VWA2: variants seen among roughly 807,000 people sequenced by gnomAD.
VWA2 encodes the protein von Willebrand factor A domain containing 2, also known as von Willebrand factor A domain-containing protein 2.
In VWA2, 73 loss-of-function variants were observed where a neutral mutation model predicts 70.4. That is an observed-to-expected ratio of 1.04 (90% CI 0.86 to 1.26). VWA2 has a LOEUF of 1.26. Among genes scored for constraint, VWA2 ranks in the 50% most tolerant of loss-of-function variants. VWA2 has a pLI of 0.00. For missense variants in VWA2, 1,011 were observed against 998.5 expected (o/e 1.01, Z -0.17); for synonymous variants, 407 against 423.3 (o/e 0.96, Z 0.47).
At chr10:114,240,179 G>A (rs1197746875) in intron 1 of VWA2, among the ~76,000 whole-genome samples, 1 of 152,210 alleles carries the variant, frequency 6.6e-6, no homozygotes. Context: ...GGGAAGTCCA[G>A]GGGTTTGTCG....
intron 5 of VWA2, among the ~76,000 whole-genome samples, chr10:114,268,386 G>A (rs1295748226): frequency 6.6e-6 from 1 of 151,960 alleles, no homozygotes; most frequent in Non-Finnish European, 1.5e-5. Context: ...AGAGCCCCCT[G>A]TCTGGGTTCA....
Position 114,289,143 on chromosome 10 carries a change from T to C in VWA2, c.1776T>C (p.Ala592=), listed in dbSNP as rs1399531150. ...AFGLDTKPTR[A]AMLRAISQAP... is the part of the protein sequence containing the mutation. ...GGCTGGACACCAAACCCACCCGGGCTGCGATGCTGCGGGCCATTAGCCAGG... is the reference window on the plus strand; with the variant it reads ...GGCTGGACACCAAACCCACCCGGGCCGCGATGCTGCGGGCCATTAGCCAGG... The change falls in exon 12 of 14, where the codon GCT becomes GCC. Residue 592 remains alanine, a synonymous_variant. Transcript: ENST00000392982. 2.5e-6 allele frequency: 4 copies of C among 1,613,878 alleles called. No homozygotes were observed. Among genetic ancestry groups the C allele is most frequent in the Admixed American group, 1.7e-5 (1 of 60,018 alleles).
At chr10:114,287,117 A>G (rs961586055) in intron 11 of VWA2, among the ~76,000 whole-genome samples, 1 of 152,104 alleles carries the variant, frequency 6.6e-6, no homozygotes, top group Non-Finnish European at 1.5e-5. Flanking sequence ...ATTGGAAGGC[A>G]CTCTAGAGAA....
chr10:114,248,490 G>A (rs2037123192), intron 1 of VWA2, among the ~76,000 whole-genome samples: 1 of 152,182 alleles, frequency 6.6e-6, no homozygotes, highest in South Asian at 2.1e-4. Flanking sequence ...GTATCCTGGG[G>A]AAGATGTTAG....
In VWA2 at chr10:114,253,688, C is replaced by T. The variant is rs750989598; in HGVS notation, c.90C>T (p.Ser30=). Reference sequence around the variant, plus strand: ...TCCCTCTCCAGGAAGTCCATGTAAGCAAAGAAACCATCGGGAAGATTTCAG... The same window carrying T: ...TCCCTCTCCAGGAAGTCCATGTAAGTAAAGAAACCATCGGGAAGATTTCAG... ...PSLPLQEVHV[S]KETIGKISAA... The change falls in exon 3 of 14, where the codon AGC becomes AGT. Residue 30 remains serine (S), a synonymous_variant. Transcript: ENST00000392982. The T allele has an allele frequency of 6.2e-7, 1 of 1,612,362 alleles. No homozygotes were observed. The highest frequency in any genetic ancestry group is 2.2e-5 in the East Asian group (1 of 44,742).
chr10:114,285,408 A>G (rs1016503308), intron 10 of VWA2, among the ~76,000 whole-genome samples: 2 of 152,248 alleles, frequency 1.3e-5, no homozygotes, highest in African/African-American at 4.8e-5. Context: ...AGAGTTTTAA[A>G]TAAGATTATG....
intron 8 of VWA2, among the ~76,000 whole-genome samples, chr10:114,280,314 C>T (rs1296037290): frequency 6.6e-6 from 1 of 152,160 alleles, no homozygotes; most frequent in Non-Finnish European, 1.5e-5. Context: ...ACACATCTAC[C>T]CTCACAAGCT....
intron 2 of VWA2, among the ~76,000 whole-genome samples, chr10:114,250,090 C>G (rs2037164087): frequency 6.6e-6 from 1 of 152,242 alleles, no homozygotes; most frequent in African/African-American, 2.4e-5. Context: ...ACCTCCAGAT[C>G]AAGTCACATC....
intron 4 of VWA2, among the ~76,000 whole-genome samples, chr10:114,259,018 A>G (rs1405115060): frequency 6.6e-6 from 1 of 152,222 alleles, no homozygotes; most frequent in African/African-American, 2.4e-5. Context: ...GATCTCGTAA[A>G]TAACATCATT....
At position 114,286,239 on chromosome 10, in the gene VWA2, G is replaced by A. The variant is rs1323471352; in HGVS notation, c.1298G>A (p.Gly433Asp). ...GSALRQAAER[G>D]FGSATRTGQD... ...GCCTTGCGGCAGGCGGCAGAGCGTG[G>A]CTTCGGGAGCGCCACCAGGACAGGC... Residue 433 changes from glycine (G) to aspartate (D), a missense_variant, in exon 11 of 14, where the codon GGC becomes GAC. By Grantham distance (94) the Gly-to-Asp change is moderately conservative. Transcript: ENST00000392982. The A allele has an allele frequency of 8.1e-6, 13 of 1,612,998 alleles. No homozygotes were observed. Among genetic ancestry groups the A allele is most frequent in the African/African-American group, 6.7e-5 (5 of 74,946 alleles).
intron 5 of VWA2, among the ~76,000 whole-genome samples, chr10:114,269,369 T>C (rs1186078452): frequency 6.6e-6 from 1 of 152,080 alleles, no homozygotes; most frequent in African/African-American, 2.4e-5. Context: ...TCACCTGAGG[T>C]CAGGAGTTTG....
At chr10:114,242,317 G>A (rs11593215) in intron 1 of VWA2, among the ~76,000 whole-genome samples, 23,946 of 152,150 alleles carry the variant, frequency 0.16, 2,037 homozygotes, top group Middle Eastern at 0.21. Flanking sequence ...GAAGGAAATT[G>A]AGAGACTGAA....
In VWA2 at chr10:114,272,761, A is replaced by C; in HGVS notation, c.393A>C (p.Glu131Asp). 1 of 1,609,910 alleles carries C rather than the reference A, an allele frequency of 6.2e-7. No homozygotes were observed. Among genetic ancestry groups the C allele is most frequent in the Middle Eastern group, 1.7e-4 (1 of 6,048 alleles). Reference protein sequence around the residue: ...MVFKGGRTETELALKYLLHRG... With the variant: ...MVFKGGRTETDLALKYLLHRG... ...ACAGAGGAGGGCGCACGGAGACGGA[A>C]CTTGCTCTGAAATACCTTCTGCACA... Residue 131 changes from glutamate to aspartate, a missense_variant, in exon 6 of 14, where the codon GAA (glutamate) becomes GAC (aspartate). Physicochemically the swap from Glu to Asp is conservative, Grantham distance 45. Coordinates refer to ENST00000392982, the MANE Select transcript of VWA2 (RefSeq NM_001272046.2).
At chr10:114,242,215 GC>G (rs979185239) in intron 1 of VWA2, among the ~76,000 whole-genome samples, 2 of 152,092 alleles carry the variant, frequency 1.3e-5, no homozygotes, top group African/African-American at 4.8e-5. Context: ...CTTTGCCCTT[GC>G]CCCGGGAGCC....
At chr10:114,246,100 G>T in intron 1 of VWA2, 1 of 731,516 alleles carries the variant, frequency 1.4e-6, no homozygotes, top group Non-Finnish European at 2.4e-6. Flanking sequence ...GAGGTCAGAT[G>T]CATGGTGAGA....
rs567273558 is a variant in VWA2 at position 114,250,097 on chromosome 10, C to T, written c.52+1332C>T. On this transcript the variant is annotated intron_variant, in intron 2 of 13. Transcript: ENST00000392982. ...CCCCTGGGACCTCCAGATCAAGTCA[C>T]ATCCCCCTCTTCAAACCCCTTGTAG... is the stretch of plus-strand genomic sequence containing the variant. 1.1e-4 allele frequency among the ~76,000 whole-genome samples: 17 copies of T among 152,356 alleles called. No homozygotes were observed. The South Asian group carries it at 3.1e-3, about 28-fold the overall frequency.
At chr10:114,285,611 A>G (rs955403316) in intron 10 of VWA2, among the ~76,000 whole-genome samples, 1 of 152,262 alleles carries the variant, frequency 6.6e-6, no homozygotes, top group Non-Finnish European at 1.5e-5. Flanking sequence ...AGCCTGTAGA[A>G]GCAAACACAG....
In VWA2 at chr10:114,245,986, C is replaced by A. The variant is rs531738379; in HGVS notation, c.-10-2718C>A. 173 of 521,078 alleles carry A rather than the reference C, an allele frequency of 3.3e-4. 3 individuals are homozygous for A. The highest frequency in any genetic ancestry group is 2.9e-3 in the South Asian group (168 of 57,286). The allele number at this position is 521,078 out of a possible 1,614,324, so 32.3% of individuals were successfully genotyped here. ...TGGTGGCATCATGGAAATAACCACA[C>A]AGTCTGAGAATATTGGGTGGTCAGT... On this transcript the variant is annotated intron_variant, in intron 1 of 13. Coordinates refer to ENST00000392982, the MANE Select transcript of VWA2 (RefSeq NM_001272046.2).
At chr10:114,281,709 G>A (rs1564732742) in intron 8 of VWA2, 1 of 984,878 alleles carries the variant, frequency 1.0e-6, no homozygotes, top group South Asian at 4.7e-5. Context: ...GGAGGGGCGG[G>A]GCTGGGGCAC....
Sources: gnomAD v4.1 joint callset for allele counts (sites outside exome capture counted in the v4.1 genomes callset) on GRCh38, gnomAD v4.1.1 for gene constraint, MANE v1.5 for transcripts, NCBI Gene and HGNC (gene_info 2026-07-23, HGNC 2026-07-21) for gene names.